The following ZNF423 variants were observed in gnomAD, a reference collection of about 807,000 sequenced individuals.
ZNF423 encodes Ebf-associated zinc finger protein.
ZNF423 carries 12 observed loss-of-function variants against 95.8 expected under a neutral mutation model. The ratio of observed to expected loss-of-function variants is 0.13; its 90% confidence interval spans 0.08 to 0.20. ZNF423 has a LOEUF of 0.20. Among genes scored for constraint, ZNF423 ranks in the 10% least tolerant of loss-of-function variants. The pLI is 1.00. For synonymous variants in ZNF423, 749 were observed against 711.9 expected (o/e 1.05, Z -0.83); for missense variants, 1,316 against 1,737.1 (o/e 0.76, Z 4.31).
At chr16:49,600,849 C>A (rs562194829) in intron 5 of ZNF423, among the ~76,000 whole-genome samples, 1 of 152,196 alleles carries the variant, frequency 6.6e-6, no homozygotes, top group Non-Finnish European at 1.5e-5. Flanking sequence ...AAATCACCGT[C>A]GCTCAGGAGG....
At chr16:49,795,688 G>T (rs1213797369) in intron 1 of ZNF423, among the ~76,000 whole-genome samples, 1 of 152,202 alleles carries the variant, frequency 6.6e-6, no homozygotes, top group African/African-American at 2.4e-5. Context: ...GATGGAGGGG[G>T]CTACACAGGG....
rs1464875138 is a variant in ZNF423, at chr16:49,692,329, G to T, written c.301+38442C>A. ...GGGCTATAAGGGGGAAAACGATGAG[G>T]CTTTCTCCTTCCCCACTCCTCTCTG... is the stretch of plus-strand genomic sequence containing the variant. On this transcript the variant is annotated intron_variant, in intron 3 of 7. Coordinates refer to ENST00000563137, the MANE Select transcript of ZNF423 (RefSeq NM_001379286.1). Among the ~76,000 whole-genome samples the T allele has an allele frequency of 5.9e-5, 9 of 152,148 alleles. No individual in the cohort carries two copies. In the East Asian group the frequency reaches 1.7e-3, roughly 29 times the overall value.
intron 2 of ZNF423, among the ~76,000 whole-genome samples, chr16:49,788,185 A>C (rs1280369102): frequency 6.6e-6 from 1 of 152,178 alleles, no homozygotes; most frequent in African/African-American, 2.4e-5. Context: ...ACCAAGGGCC[A>C]GGGCACCTGC....
chr16:49,669,612 T>G (rs2030713227), intron 3 of ZNF423, among the ~76,000 whole-genome samples: 1 of 152,220 alleles, frequency 6.6e-6, no homozygotes, highest in Non-Finnish European at 1.5e-5. Context: ...AGGCAGGAGT[T>G]GGACCTAGAG....
intron 1 of ZNF423, among the ~76,000 whole-genome samples, chr16:49,837,272 C>G (rs2035130677): frequency 6.6e-6 from 1 of 152,102 alleles, no homozygotes; most frequent in Non-Finnish European, 1.5e-5. Context: ...GGACACAGGC[C>G]CTGCTACACG....
intron 7 of ZNF423, among the ~76,000 whole-genome samples, chr16:49,510,874 T>A (rs1397096960): frequency 1.3e-5 from 2 of 152,216 alleles, no homozygotes; most frequent in South Asian, 4.1e-4. Context: ...GCCACCGGCC[T>A]GAGGCTCCTG....
chr16:49,527,121 C>T (rs1216604429), intron 5 of ZNF423, among the ~76,000 whole-genome samples: 1 of 152,168 alleles, frequency 6.6e-6, no homozygotes, highest in Non-Finnish European at 1.5e-5. Flanking sequence ...AGGCATTCCC[C>T]CTGGCCCAGC....
chr16:49,717,420 C>G (rs565298866), intron 3 of ZNF423, among the ~76,000 whole-genome samples: 8 of 152,240 alleles, frequency 5.3e-5, no homozygotes, highest in Non-Finnish European at 1.2e-4. Flanking sequence ...AGCTCCTTCT[C>G]TCTTCAGGCT....
At chr16:49,533,201 G>A (rs1968924295) in intron 5 of ZNF423, among the ~76,000 whole-genome samples, 1 of 152,200 alleles carries the variant, frequency 6.6e-6, no homozygotes, top group Non-Finnish European at 1.5e-5. Context: ...CATCTGACAA[G>A]TCTCCCCTCT....
chr16:49,599,341 C>T (rs1971282305), intron 5 of ZNF423, among the ~76,000 whole-genome samples: 1 of 152,182 alleles, frequency 6.6e-6, no homozygotes, highest in South Asian at 2.1e-4. Context: ...CAATCTGCGC[C>T]CAAGTGAAGC....
At chr16:49,811,680 C>A (rs2034754574) in intron 1 of ZNF423, among the ~76,000 whole-genome samples, 1 of 152,148 alleles carries the variant, frequency 6.6e-6, no homozygotes, top group South Asian at 2.1e-4. Context: ...GAGCAGCCAT[C>A]CCCGCAGGAC....
At chr16:49,823,073 C>T (rs1023019785) in intron 1 of ZNF423, among the ~76,000 whole-genome samples, 6 of 152,160 alleles carry the variant, frequency 3.9e-5, no homozygotes, top group African/African-American at 1.4e-4. Context: ...CAGAGAGGCC[C>T]GAGTCGGGGA....
At chr16:49,651,529 A>G (rs1973403792) in intron 3 of ZNF423, among the ~76,000 whole-genome samples, 1 of 152,170 alleles carries the variant, frequency 6.6e-6, no homozygotes, top group Non-Finnish European at 1.5e-5. Flanking sequence ...GAGAGCCGGC[A>G]GCAGGGCTTA....
At chr16:49,608,971 C>T (rs537759982) in intron 5 of ZNF423, among the ~76,000 whole-genome samples, 1 of 152,302 alleles carries the variant, frequency 6.6e-6, no homozygotes, top group African/African-American at 2.4e-5. Flanking sequence ...GACAGTCATA[C>T]TTGCTGGGCA....
intron 5 of ZNF423, among the ~76,000 whole-genome samples, chr16:49,531,907 C>T (rs1968859185): frequency 6.6e-6 from 1 of 152,138 alleles, no homozygotes; most frequent in Non-Finnish European, 1.5e-5. Flanking sequence ...AGTCTCAGGC[C>T]TGCCCCAGAG....
intron 3 of ZNF423, among the ~76,000 whole-genome samples, chr16:49,641,579 G>A (rs1209207991): frequency 1.3e-5 from 2 of 152,136 alleles, no homozygotes; most frequent in African/African-American, 4.8e-5. Flanking sequence ...TTCTGCCAGG[G>A]TTCATTTGCT....
intron 3 of ZNF423, among the ~76,000 whole-genome samples, chr16:49,647,731 A>C (rs181231466): frequency 4.6e-5 from 7 of 152,312 alleles, no homozygotes; most frequent in African/African-American, 7.2e-5. Flanking sequence ...CCCTGCCAAC[A>C]CCTTAATTTT....
chr16:49,767,128 A>AT (rs1025061507), intron 2 of ZNF423, among the ~76,000 whole-genome samples: 4 of 151,508 alleles, frequency 2.6e-5, no homozygotes, highest in Non-Finnish European at 4.4e-5. Flanking sequence ...TAATTTTTTT[A>AT]TTTTTTTTGT....
chr16:49,562,633 G>A (rs1703634008), intron 5 of ZNF423, among the ~76,000 whole-genome samples: 2 of 152,246 alleles, frequency 1.3e-5, no homozygotes, highest in Non-Finnish European at 2.9e-5. Flanking sequence ...AGGAAAGCTG[G>A]GCATTTGTGG....
Sources: allele counts gnomAD v4.1 joint callset (sites outside exome capture counted in the v4.1 genomes callset), GRCh38; gene constraint gnomAD v4.1.1; transcripts MANE v1.5; gene names NCBI Gene and HGNC (gene_info 2026-07-23, HGNC 2026-07-21).